Variants in UBE4B observed in about 807,000 individuals in gnomAD.
The protein encoded by UBE4B is ubiquitin conjugation factor E4 B.
Under a neutral mutation model 148.1 loss-of-function variants are expected in UBE4B, and 27 were observed. That is an observed-to-expected ratio of 0.18 (90% CI 0.13 to 0.25). The LOEUF is 0.25. UBE4B is among the 10% of genes least tolerant of loss of function. The pLI, the probability that UBE4B is intolerant of heterozygous loss-of-function variation, is 1.00. For missense variants in UBE4B, 1,170 were observed against 1,662.4 expected (o/e 0.70, Z 5.15); for synonymous variants, 596 against 619.3 (o/e 0.96, Z 0.56).
chr1:10,050,558 A>G (rs557725353), intron 1 of UBE4B, among the ~76,000 whole-genome samples: 16 of 152,292 alleles, frequency 1.1e-4, no homozygotes, highest in Admixed American at 2.0e-4. Context: ...TTATTTATTC[A>G]CTTGGTGTAG....
At chr1:10,094,387 A>C (rs1177621146) in intron 2 of UBE4B, among the ~76,000 whole-genome samples, 1 of 151,738 alleles carries the variant, frequency 6.6e-6, no homozygotes, top group Non-Finnish European at 1.5e-5. Flanking sequence ...AGTTGAGAGA[A>C]TTTTGCAGGG....
intron 25 of UBE4B, among the ~76,000 whole-genome samples, chr1:10,174,321 A>T (rs1646383076): frequency 6.6e-6 from 1 of 150,798 alleles, no homozygotes; most frequent in African/African-American, 2.4e-5. Flanking sequence ...TGAACCCGGG[A>T]GGCAGAGGTT....
chr1:10,129,093 A>T (rs1645549383), intron 11 of UBE4B: 2 of 327,798 alleles, frequency 6.1e-6, no homozygotes. Context: ...GATACAGTAC[A>T]CAAAAATATA....
chr1:10,039,307 G>A (rs192045403), intron 1 of UBE4B, among the ~76,000 whole-genome samples: 2 of 152,238 alleles, frequency 1.3e-5, no homozygotes, highest in Admixed American at 6.5e-5. Context: ...GAACTGGCTC[G>A]AAATTGGGGA....
Position 10,174,702 on chromosome 1 carries a change from CAAAAA to C in UBE4B, c.3525+3389_3525+3393del, listed in dbSNP as rs1024868484. 5.6e-3 allele frequency among the ~76,000 whole-genome samples: 449 copies of C among 80,158 alleles called. 4 individuals carry two copies. The highest frequency in any genetic ancestry group is 0.01 in the Non-Finnish European group (357 of 34,132). The allele number at this position is 80,158 out of a possible 152,430, so 52.6% of individuals were successfully genotyped here. ...GGGCAACAAGAGCGAAACTCCGTCT[CAAAAA>C]AAAAAAAAAAAAAAAGTGTTTTTGC... On this transcript the variant is annotated intron_variant, in intron 25 of 27. Coordinates refer to ENST00000343090, the MANE Select transcript of UBE4B (RefSeq NM_001105562.3).
rs1323039408 is a variant in UBE4B, at chr1:10,146,972, C to T, written c.2473C>T (p.Arg825Trp). The T allele has an allele frequency of 4.3e-6, 7 of 1,613,874 alleles. No homozygotes were observed. Among genetic ancestry groups the T allele is most frequent in the Non-Finnish European group, 5.9e-6 (7 of 1,179,894 alleles). ...ATCCCTGCTTCCACAGAAACTGGTACGGTGCAAGGCCTGTGCTGATGCTGG... is the reference window on the plus strand; with the variant it reads ...ATCCCTGCTTCCACAGAAACTGGTATGGTGCAAGGCCTGTGCTGATGCTGG... The part of the protein sequence containing the change: ...RCKTQLKKLV[R>W]CKACADAGLL... The change falls in exon 19 of 28, where the codon CGG (arginine) becomes TGG (tryptophan). Residue 825 changes from arginine to tryptophan, a missense_variant. Physicochemically the swap from Arg to Trp is moderately radical, Grantham distance 101. This residue lies in a region of UBE4B where 348 missense variants were observed against 627.2 expected (regional missense o/e 0.55). Coordinates refer to ENST00000343090, the MANE Select transcript of UBE4B (RefSeq NM_001105562.3).
At chr1:10,045,509 TTGG>T (rs1643893112) in intron 1 of UBE4B, among the ~76,000 whole-genome samples, 2 of 152,192 alleles carry the variant, frequency 1.3e-5, no homozygotes, top group Non-Finnish European at 2.9e-5. Context: ...TTTGTTTCTC[TTGG>T]TGGTGAAAAA....
chr1:10,137,825 C>T (rs879613394), intron 17 of UBE4B, among the ~76,000 whole-genome samples: 26 of 148,844 alleles, frequency 1.7e-4, no homozygotes, highest in South Asian at 2.1e-4. Flanking sequence ...GATGCCACTT[C>T]TGCTTTTTGG....
chr1:10,052,663 A>T (rs997070907), intron 1 of UBE4B, among the ~76,000 whole-genome samples: 1 of 152,224 alleles, frequency 6.6e-6, no homozygotes, highest in Non-Finnish European at 1.5e-5. Flanking sequence ...TGAACAAGGT[A>T]GCCTGCATAT....
intron 2 of UBE4B, among the ~76,000 whole-genome samples, chr1:10,079,045 C>T (rs140612245): frequency 4.6e-4 from 70 of 151,980 alleles, no homozygotes; most frequent in Non-Finnish European, 8.1e-4. Context: ...TTTTGAACTC[C>T]TGGCCTCAAG....
intron 2 of UBE4B, among the ~76,000 whole-genome samples, chr1:10,094,713 T>C (rs779157060): frequency 3.3e-5 from 5 of 152,074 alleles, no homozygotes; most frequent in Non-Finnish European, 5.9e-5. Context: ...GGATTACAGG[T>C]GTGAGCCACC....
At chr1:10,155,307 A>G (rs988770782) in intron 21 of UBE4B, among the ~76,000 whole-genome samples, 58 of 152,262 alleles carry the variant, frequency 3.8e-4, no homozygotes, top group African/African-American at 1.4e-3. Context: ...AATAATAGCC[A>G]CCACTTATTG....
chr1:10,059,371 A>G (rs560153706), intron 1 of UBE4B: 4 of 194,220 alleles, frequency 2.1e-5, no homozygotes, highest in South Asian at 2.0e-4. Flanking sequence ...GAAGGACACT[A>G]TTGTCAGAGC....
chr1:10,119,440 A>T, intron 8 of UBE4B, 73 bp from the exon 9 acceptor site: 2 of 1,484,732 alleles, frequency 1.3e-6, no homozygotes, highest in Non-Finnish European at 1.9e-6. Context: ...CATCCCTTTT[A>T]ACTCTTATTT....
intron 2 of UBE4B, among the ~76,000 whole-genome samples, chr1:10,080,506 G>A (rs1644661115): frequency 6.6e-6 from 1 of 152,064 alleles, no homozygotes; most frequent in Non-Finnish European, 1.5e-5. Context: ...CAATATGGAG[G>A]TCCCTCAGAA....
At position 10,132,498 on chromosome 1, in the gene UBE4B, A is replaced by G. The variant is rs766324646; in HGVS notation, c.2025+16A>G. 5.0e-6 allele frequency: 8 copies of G among 1,607,832 alleles called. No individual in the cohort carries two copies. In the African/African-American group the frequency reaches 9.4e-5, roughly 19 times the overall value. On this transcript the variant is annotated intron_variant, in intron 15 of 27. Transcript: ENST00000343090. ...ACAGATGCAGGTAGGATTCCTACAG[A>G]CTGCTTTTCGCTGTTTGTCAAATTC...
intron 22 of UBE4B, among the ~76,000 whole-genome samples, chr1:10,160,018 AG>A (rs1419665655): frequency 2.0e-5 from 3 of 152,206 alleles, no homozygotes; most frequent in African/African-American, 7.2e-5. Flanking sequence ...ACTTGTTCAC[AG>A]GAACTTCTCT....
Position 10,137,223 on chromosome 1 carries a change from G to A in UBE4B, c.2363+18G>A, listed in dbSNP as rs748091668. ...CTCAATAGGTATGTGCCATGATACC[G>A]TGTCCTGGGATTGCCTGAGTTACCA... On this transcript the variant is annotated intron_variant, in intron 17 of 27. Coordinates refer to ENST00000343090, the MANE Select transcript of UBE4B (RefSeq NM_001105562.3). 1.7e-5 allele frequency: 27 copies of A among 1,613,264 alleles called. No individual in the cohort carries two copies. Among genetic ancestry groups the A allele is most frequent in the Non-Finnish European group, 2.1e-5 (25 of 1,179,682 alleles).
chr1:10,179,791 G>A (rs1014532497), intron 27 of UBE4B, 104 bp from the exon 28 acceptor site: 1 of 1,483,286 alleles, frequency 6.7e-7, no homozygotes, highest in South Asian at 1.2e-5. Context: ...CTCAATGAGG[G>A]AAAGAATGGC....
Sources: allele counts gnomAD v4.1 joint callset (sites outside exome capture counted in the v4.1 genomes callset), GRCh38; gene constraint gnomAD v4.1.1; regional missense constraint gnomAD v4.1.1; transcripts MANE v1.5; gene names NCBI Gene and HGNC (gene_info 2026-07-23, HGNC 2026-07-21).